Variants in DOCK2 observed in about 807,000 individuals in gnomAD.
The protein encoded by DOCK2 is dedicator of cytokinesis 2.
A neutral mutation model predicts 248.9 loss-of-function variants in DOCK2; 87 were observed. The observed-to-expected ratio is 0.35, with a 90% CI of 0.29 to 0.42. The LOEUF is 0.42. DOCK2 is among the 10% of genes least tolerant of loss of function. The pLI, the probability that DOCK2 is intolerant of heterozygous loss-of-function variation, is 1.00. For synonymous variants in DOCK2, 805 were observed against 821.6 expected, an observed-to-expected ratio of 0.98 and a Z score of 0.35; for missense variants, 1,747 against 2,300.2, an observed-to-expected ratio of 0.76 and a Z score of 4.92.
chr5:169,747,314 T>G, intron 22 of DOCK2, 82 bp from the exon 23 acceptor site: 1 of 1,296,064 alleles, frequency 7.7e-7, no homozygotes, highest in Non-Finnish European at 1.1e-6. Context: ...TTTTAAATTT[T>G]AAATGAAGTT....
At chr5:169,658,804 G>C (rs1758276580) in intron 2 of DOCK2, among the ~76,000 whole-genome samples, 1 of 151,508 alleles carries the variant, frequency 6.6e-6, no homozygotes, top group Non-Finnish European at 1.5e-5. Flanking sequence ...TAGCTACCTG[G>C]GAGGCTGAGG....
intron 26 of DOCK2, among the ~76,000 whole-genome samples, chr5:169,806,509 C>T (rs1173135777): frequency 6.6e-6 from 1 of 151,856 alleles, no homozygotes; most frequent in African/African-American, 2.4e-5. Context: ...CCGGTGAAAC[C>T]CCATCTCCAA....
chr5:170,005,533 C>T (rs1754997633), intron 30 of DOCK2, among the ~76,000 whole-genome samples: 1 of 152,018 alleles, frequency 6.6e-6, no homozygotes, highest in African/African-American at 2.4e-5. Flanking sequence ...GTGGATGCCT[C>T]ATGCTTGTAT....
chr5:170,048,724 G>C (rs1231499116), intron 40 of DOCK2, among the ~76,000 whole-genome samples: 3 of 152,152 alleles, frequency 2.0e-5, no homozygotes, highest in Non-Finnish European at 4.4e-5. Flanking sequence ...GTTCCTGAGA[G>C]GGTCTTGGGA....
rs1004912468 is a variant in DOCK2, at chr5:169,875,601, A to G, written c.2799+34749A>G. On this transcript the variant is annotated intron_variant, in intron 27 of 51. Transcript: ENST00000520908. ...AAGTGCCTCGCCTCTCTCAGCTTCAATTGCCTAATCTGAATGTTGAGCAAG... is the reference window on the plus strand; with the variant it reads ...AAGTGCCTCGCCTCTCTCAGCTTCAGTTGCCTAATCTGAATGTTGAGCAAG... 13 of 236,612 alleles carry G rather than the reference A, an allele frequency of 5.5e-5. No homozygotes were observed. In the East Asian group the frequency reaches 1.0e-3, roughly 18 times the overall value. 14.7% of individuals were successfully genotyped at this position (236,612 alleles called of 1,614,324 possible).
chr5:169,813,758 C>A (rs1581229520), intron 26 of DOCK2, among the ~76,000 whole-genome samples: 1 of 152,194 alleles, frequency 6.6e-6, no homozygotes, highest in Admixed American at 6.5e-5. Flanking sequence ...GCTGTGGCTT[C>A]TTTCCTAATA....
intron 27 of DOCK2, among the ~76,000 whole-genome samples, chr5:169,864,916 G>A (rs926349386): frequency 1.3e-5 from 2 of 152,186 alleles, no homozygotes; most frequent in Non-Finnish European, 2.9e-5. Flanking sequence ...GAATTAATGT[G>A]TGTAAACTGA....
intron 23 of DOCK2, among the ~76,000 whole-genome samples, chr5:169,755,217 T>G (rs1764130532): frequency 6.6e-6 from 1 of 151,986 alleles, no homozygotes; most frequent in Non-Finnish European, 1.5e-5. Context: ...GTGCTGGGAT[T>G]ATAGGCATGG....
At chr5:169,796,615 C>G (rs181681105) in intron 25 of DOCK2, among the ~76,000 whole-genome samples, 3 of 152,028 alleles carry the variant, frequency 2.0e-5, no homozygotes, top group African/African-American at 7.3e-5. Context: ...ATGACCATAT[C>G]GTGTGATAAA....
chr5:169,928,624 C>A (rs1335100354), intron 27 of DOCK2, among the ~76,000 whole-genome samples: 4 of 152,156 alleles, frequency 2.6e-5, no homozygotes, highest in African/African-American at 9.7e-5. Flanking sequence ...GGAGGCCTAG[C>A]AGGAGACAAA....
At chr5:169,640,370 G>A (rs552842696) in intron 1 of DOCK2, among the ~76,000 whole-genome samples, 1 of 152,352 alleles carries the variant, frequency 6.6e-6, no homozygotes, top group East Asian at 1.9e-4. Context: ...GCAGATTTGT[G>A]TGGGACTCTA....
intron 27 of DOCK2, among the ~76,000 whole-genome samples, chr5:169,927,254 A>G (rs1775506770): frequency 6.6e-6 from 1 of 152,204 alleles, no homozygotes; most frequent in Non-Finnish European, 1.5e-5. Context: ...TCGGAGAGGT[A>G]GAAGCAGCCA....
At chr5:170,004,287 A>G (rs931248317) in intron 30 of DOCK2, among the ~76,000 whole-genome samples, 2 of 152,238 alleles carry the variant, frequency 1.3e-5, no homozygotes, top group Non-Finnish European at 2.9e-5. Context: ...TTACAGTCCC[A>G]CCAACAGTGT....
At chr5:169,655,807 A>C (rs1758079172) in intron 2 of DOCK2, among the ~76,000 whole-genome samples, 1 of 152,252 alleles carries the variant, frequency 6.6e-6, no homozygotes, top group South Asian at 2.1e-4. Context: ...TGGGCAAATA[A>C]TTTGAAATTT....
chr5:169,689,747 A>G (rs1420477178), intron 9 of DOCK2, among the ~76,000 whole-genome samples: 1 of 152,238 alleles, frequency 6.6e-6, no homozygotes, highest in Non-Finnish European at 1.5e-5. Flanking sequence ...TCAGAAAAAA[A>G]TAGGACCTTT....
Position 169,896,104 on chromosome 5 carries a change from G to T in DOCK2, c.2799+55252G>T, listed in dbSNP as rs1379713191. Among the ~76,000 whole-genome samples the T allele has an allele frequency of 2.0e-5, 3 of 152,218 alleles. No individual in the cohort carries two copies. In the East Asian group the frequency reaches 5.8e-4, roughly 29 times the overall value. On this transcript the variant is annotated intron_variant, in intron 27 of 51. Coordinates refer to ENST00000520908, the MANE Select transcript of DOCK2 (RefSeq NM_004946.3). ...TCTGAGCCTGATTGGCTGCACTGGG[G>T]CACAGGGATTGGAAGGAGCTCCCAG...
intron 7 of DOCK2, among the ~76,000 whole-genome samples, chr5:169,682,222 T>C (rs1759706308): frequency 6.6e-6 from 1 of 152,204 alleles, no homozygotes; most frequent in South Asian, 2.1e-4. Context: ...CAGGGTTATG[T>C]GAATCAAAGT....
chr5:169,831,320 T>C (rs1769217829), intron 26 of DOCK2, among the ~76,000 whole-genome samples: 1 of 152,250 alleles, frequency 6.6e-6, no homozygotes, highest in Non-Finnish European at 1.5e-5. Context: ...TTCTCCTCCA[T>C]TGTGTGAATA....
intron 27 of DOCK2, among the ~76,000 whole-genome samples, chr5:169,953,953 G>T (rs1364597284): frequency 1.3e-5 from 2 of 152,194 alleles, no homozygotes; most frequent in South Asian, 4.1e-4. Context: ...GTGAGTTAAT[G>T]CATGGCAAAG....
Sources: allele counts gnomAD v4.1 joint callset (sites outside exome capture counted in the v4.1 genomes callset), GRCh38; gene constraint gnomAD v4.1.1; transcripts MANE v1.5; gene names NCBI Gene and HGNC (gene_info 2026-07-23, HGNC 2026-07-21).